Variants in KHDRBS2 observed in about 807,000 individuals in gnomAD.
KHDRBS2 encodes KH RNA binding domain containing, signal transduction associated 2.
KHDRBS2 carries 26 observed loss-of-function variants against 44.3 expected under a neutral mutation model. The ratio of observed to expected loss-of-function variants is 0.59; its 90% CI spans 0.43 to 0.81. KHDRBS2 has a LOEUF of 0.81. Ranked by LOEUF, KHDRBS2 falls within the 40% of genes least tolerant of loss-of-function variation. The probability of loss-of-function intolerance (pLI) is 0.00; values close to 1 mark genes in which losing one functional copy is unlikely to be tolerated. For synonymous variants in KHDRBS2, 194 were observed against 151.1 expected, an observed-to-expected ratio of 1.28 and a Z score of -2.08; for missense variants, 476 against 433.1, an observed-to-expected ratio of 1.10 and a Z score of -0.88.
At chr6:61,558,401 A>G in the KHDRBS2 span, among the ~76,000 whole-genome samples, 8 of 151,652 alleles carry the variant, frequency 5.3e-5, no homozygotes, top group Admixed American at 3.3e-4. Flanking sequence ...GTCTCTAAAA[A>G]CTACAAAAAA....
intron 6 of KHDRBS2, among the ~76,000 whole-genome samples, chr6:61,744,431 C>G (rs1175756663): frequency 6.6e-6 from 1 of 152,096 alleles, no homozygotes; most frequent in Non-Finnish European, 1.5e-5. Flanking sequence ...ATGTTACTAG[C>G]TGCAAGTGCA....
At chr6:62,261,258 C>G (rs1838288193) in intron 1 of KHDRBS2, among the ~76,000 whole-genome samples, 1 of 151,880 alleles carries the variant, frequency 6.6e-6, no homozygotes, top group African/African-American at 2.4e-5. Context: ...TTGTCCTTGT[C>G]AATTTCTCCA....
intron 2 of KHDRBS2, among the ~76,000 whole-genome samples, chr6:62,106,593 C>A (rs1055030492): frequency 6.6e-6 from 1 of 152,104 alleles, no homozygotes; most frequent in Admixed American, 6.6e-5. Context: ...AGGGAATCCT[C>A]CCTAACTCAT....
At chr6:61,886,258 C>T (rs1800936993) in intron 6 of KHDRBS2, among the ~76,000 whole-genome samples, 1 of 152,140 alleles carries the variant, frequency 6.6e-6, no homozygotes, top group African/African-American at 2.4e-5. Flanking sequence ...ACTTTTCTCT[C>T]CATTATTTCC....
At chr6:61,818,289 G>A (rs1234406014) in intron 6 of KHDRBS2, among the ~76,000 whole-genome samples, 2 of 136,166 alleles carry the variant, frequency 1.5e-5, no homozygotes, top group East Asian at 2.0e-4. Flanking sequence ...AAAAAGGATA[G>A]TAGGCAATGC....
At chr6:62,122,860 TA>T (rs1269278772) in intron 2 of KHDRBS2, among the ~76,000 whole-genome samples, 1 of 140,498 alleles carries the variant, frequency 7.1e-6, no homozygotes. Context: ...AAAAAGGTTT[TA>T]TTTTTTCAAT....
At chr6:62,098,546 T>C (rs1349170941) in intron 2 of KHDRBS2, among the ~76,000 whole-genome samples, 1 of 152,170 alleles carries the variant, frequency 6.6e-6, no homozygotes, top group East Asian at 1.9e-4. Context: ...AAATATTTGC[T>C]TCTTTTCTCT....
chr6:62,102,366 C>A (rs1381506599), intron 2 of KHDRBS2, among the ~76,000 whole-genome samples: 1 of 152,156 alleles, frequency 6.6e-6, no homozygotes, highest in East Asian at 1.9e-4. Context: ...AGGAGTACTG[C>A]AAGTGGCTTC....
the KHDRBS2 span, among the ~76,000 whole-genome samples, chr6:61,638,911 G>T: frequency 6.6e-6 from 1 of 152,002 alleles, no homozygotes; most frequent in Non-Finnish European, 1.5e-5. Flanking sequence ...GTCTTAATGT[G>T]CTACAAACAA....
At chr6:61,782,844 G>A (rs931746467) in intron 6 of KHDRBS2, among the ~76,000 whole-genome samples, 2 of 150,924 alleles carry the variant, frequency 1.3e-5, no homozygotes, top group Non-Finnish European at 3.0e-5. Context: ...CTGATGGTTG[G>A]GTCCACATGT....
the KHDRBS2 span, among the ~76,000 whole-genome samples, chr6:61,596,786 G>A: frequency 6.6e-6 from 1 of 152,024 alleles, no homozygotes; most frequent in African/African-American, 2.4e-5. Flanking sequence ...TGAGTAGCTG[G>A]GACTACAGGT....
the KHDRBS2 span, among the ~76,000 whole-genome samples, chr6:61,636,634 T>C: frequency 6.6e-6 from 1 of 152,132 alleles, no homozygotes; most frequent in Non-Finnish European, 1.5e-5. Context: ...ATCTAATGGA[T>C]AGAGGTCAGA....
intron 1 of KHDRBS2, among the ~76,000 whole-genome samples, chr6:62,189,302 T>A (rs373994545): frequency 6.6e-6 from 1 of 152,168 alleles, no homozygotes; most frequent in South Asian, 2.1e-4. Flanking sequence ...CTCTCAACAG[T>A]AAGGCTTTCA....
At chr6:61,774,282 A>C (rs993320897) in intron 6 of KHDRBS2, among the ~76,000 whole-genome samples, 4 of 152,134 alleles carry the variant, frequency 2.6e-5, no homozygotes, top group African/African-American at 9.7e-5. Context: ...ATGAGCATGG[A>C]ATGTTCTTCC....
intron 1 of KHDRBS2, among the ~76,000 whole-genome samples, chr6:62,218,166 G>C (rs1830330158): frequency 6.6e-6 from 1 of 151,844 alleles, no homozygotes; most frequent in African/African-American, 2.4e-5. Flanking sequence ...AATGGAAAAA[G>C]AGTAAGGATA....
chr6:62,114,245 TAAAC>T (rs374875669), intron 2 of KHDRBS2, among the ~76,000 whole-genome samples: 45 of 152,082 alleles, frequency 3.0e-4, no homozygotes, highest in African/African-American at 1.1e-3. Context: ...CCTGTGGAAT[TAAAC>T]AAGGTGCATA....
intron 6 of KHDRBS2, among the ~76,000 whole-genome samples, chr6:61,851,556 C>T (rs1377050584): frequency 6.6e-6 from 1 of 152,026 alleles, no homozygotes; most frequent in Non-Finnish European, 1.5e-5. Context: ...GGGACACAGA[C>T]AATACATAGA....
At chr6:61,646,745 T>C in the KHDRBS2 span, among the ~76,000 whole-genome samples, 2 of 152,246 alleles carry the variant, frequency 1.3e-5, no homozygotes, top group South Asian at 2.1e-4. Flanking sequence ...GTTTATTATA[T>C]ATTTGAGCTC....
chr6:62,037,272 C>T (rs1417329607), intron 3 of KHDRBS2, among the ~76,000 whole-genome samples: 1 of 151,698 alleles, frequency 6.6e-6, no homozygotes, highest in East Asian at 1.9e-4. Context: ...TCTTATACTG[C>T]ATCATTTATA....
Sources: gnomAD v4.1 joint callset for allele counts (sites outside exome capture counted in the v4.1 genomes callset) on GRCh38, gnomAD v4.1.1 for gene constraint, MANE v1.5 for transcripts, NCBI Gene and HGNC (gene_info 2026-07-23, HGNC 2026-07-21) for gene names.